ARFGAP1: variants seen among roughly 807,000 people sequenced by gnomAD.
ARFGAP1 encodes the protein ARF GTPase activating protein 1, also known as ADP-ribosylation factor GTPase-activating protein 1.
In ARFGAP1, 26 loss-of-function variants were observed where a neutral mutation model predicts 54.0. The ratio of observed to expected loss-of-function variants is 0.48; its 90% CI spans 0.35 to 0.67. The LOEUF (loss-of-function observed/expected upper bound fraction) is 0.67. ARFGAP1 is among the 30% of genes least tolerant of loss of function. ARFGAP1 has a pLI of 0.00. For synonymous variants in ARFGAP1, 248 were observed against 211.9 expected, an observed-to-expected ratio of 1.17 and a Z score of -1.48; for missense variants, 525 against 535.8, an observed-to-expected ratio of 0.98 and a Z score of 0.20.
In ARFGAP1 at chr20:63,278,936, C is replaced by T. The variant is rs781294413; in HGVS notation, c.568C>T (p.Pro190Ser). The change falls in exon 7 of 13, where the codon CCA (proline) becomes TCA (serine). Residue 190 changes from proline (P) to serine (S), a missense_variant. Coordinates refer to ENST00000370283, the MANE Select transcript of ARFGAP1 (RefSeq NM_018209.4). ...GNRYVGFGNT[P>S]PPQKKEDDFL... ...TCGCTACGTGGGGTTTGGGAACACG[C>T]CACCGCCTCAGAAGAAAGAAGATGA... 6.2e-7 allele frequency: 1 copy of T among 1,614,142 alleles called. No homozygotes were observed. The highest frequency in any genetic ancestry group is 1.3e-5 in the African/African-American group (1 of 75,042).
chr20:63,276,343 A>T lies in ARFGAP1; in HGVS notation c.171-137A>T. 7.3e-7 allele frequency: 1 copy of T among 1,373,636 alleles called. No individual in the cohort carries two copies. Among genetic ancestry groups the T allele is most frequent in the East Asian group, 2.3e-5 (1 of 42,560 alleles). 85.1% of individuals were successfully genotyped at this position (1,373,636 alleles called of 1,614,324 possible). ...GTGTCCACTCTAGTGACGCCATGGC[A>T]CAGAGTTCCAGCTGCTGGCCACTCA... On this transcript the variant is annotated intron_variant, in intron 3 of 12. Transcript: ENST00000370283. The surrounding 1 kb of genome is among the most constrained non-coding windows in gnomAD (Gnocchi z 5.2).
chr20:63,285,733 C>T lies in ARFGAP1; in HGVS notation c.834+20C>T, dbSNP rs199547030. 17 of 1,611,462 alleles carry T rather than the reference C, an allele frequency of 1.1e-5. No individual in the cohort carries two copies. Among genetic ancestry groups the T allele is most frequent in the East Asian group, 6.7e-5 (3 of 44,890 alleles). On this transcript the variant is annotated intron_variant, in intron 11 of 12. Coordinates refer to ENST00000370283, the MANE Select transcript of ARFGAP1 (RefSeq NM_018209.4). ...TCCAAGGTAGGGAGCCTGCCAGATA[C>T]GCGGGCACAGTCGAAGCCAGTCTCC...
At chr20:63,281,479 C>G in intron 8 of ARFGAP1, 132 bp downstream of exon 8, 1 of 1,147,566 alleles carries the variant, frequency 8.7e-7, no homozygotes, top group Non-Finnish European at 1.2e-6. Flanking sequence ...TAACCATGGG[C>G]TGTGCCAACG....
Position 63,276,206 on chromosome 20 carries a change from T to C in ARFGAP1, c.170+6T>C, listed in dbSNP as rs2067233346. On this transcript the variant is annotated splice_donor_region_variant and intron_variant, in intron 3 of 12. Transcript: ENST00000370283. The surrounding 1 kb of genome is among the most constrained non-coding windows in gnomAD (Gnocchi z 5.2). ...GGGCTTGGGGTTCACCTCAGGTCAG[T>C]GTCCTGCCGCTCTGGCTCTGCGGAG... 1 of 1,613,232 alleles carries C rather than the reference T, an allele frequency of 6.2e-7. No individual in the cohort carries two copies. Among genetic ancestry groups the C allele is most frequent in the Non-Finnish European group, 8.5e-7 (1 of 1,179,842 alleles).
chr20:63,284,148 C>T, intron 9 of ARFGAP1: 1 of 1,329,134 alleles, frequency 7.5e-7, no homozygotes, highest in Non-Finnish European at 9.6e-7. Context: ...ACACACAGAC[C>T]CCCAACGCAG....
intron 8 of ARFGAP1, 140 bp downstream of exon 8, chr20:63,281,487 A>C (rs1463509189): frequency 9.4e-7 from 1 of 1,066,036 alleles, no homozygotes; most frequent in Non-Finnish European, 1.4e-6. Context: ...GGCTGTGCCA[A>C]CGCAGTACCA....
chr20:63,286,486 C>T (rs1361693016), intron 12 of ARFGAP1, 44 bp downstream of exon 12: 2 of 1,576,318 alleles, frequency 1.3e-6, no homozygotes, highest in Non-Finnish European at 1.7e-6. Context: ...ACTCCCCTGC[C>T]TTGGCCACTC....
chr20:63,274,644 G>C (rs1858813146), intron 1 of ARFGAP1, among the ~76,000 whole-genome samples: 1 of 152,128 alleles, frequency 6.6e-6, no homozygotes, highest in African/African-American at 2.4e-5. Flanking sequence ...GGGCTGGCAG[G>C]GATCCAGGTC....
intron 8 of ARFGAP1, among the ~76,000 whole-genome samples, chr20:63,281,727 A>G (rs1310512666): frequency 2.6e-5 from 4 of 152,182 alleles, no homozygotes; most frequent in African/African-American, 9.6e-5. Flanking sequence ...TTTGAGAGCG[A>G]TTTCTCTCTT....
rs771055697 is a variant in ARFGAP1 at position 63,278,136 on chromosome 20, A to C, written c.463A>C (p.Ser155Arg). The change falls in exon 6 of 13, where the codon AGT becomes CGT. Residue 155 changes from serine (S) to arginine (R), a missense_variant. This residue lies in a region of ARFGAP1 where 466 missense variants were observed against 453.6 expected (regional missense o/e 1.03). Transcript: ENST00000370283. ...MVHRVSGQPQ[S>R]VTASSDKAFE... is the part of the protein sequence containing the mutation. The stretch of plus-strand genomic sequence containing the variant: ...TTTCAGAGTCTCTGGCCAGCCGCAG[A>C]GTGTGACCGCCTCCTCGGACAAGGC... The C allele has an allele frequency of 5.6e-6, 9 of 1,613,654 alleles. No individual in the cohort carries two copies. The highest frequency in any genetic ancestry group is 4.0e-5 in the African/African-American group (3 of 74,934).
rs2067230459 is a variant in ARFGAP1, at chr20:63,276,127, G to C, written c.97G>C (p.Val33Leu). 6.2e-7 allele frequency: 1 copy of C among 1,614,094 alleles called. No individual in the cohort carries two copies. The highest frequency in any genetic ancestry group is 8.5e-7 in the Non-Finnish European group (1 of 1,180,042). Reference protein sequence around the residue: ...FECGAFNPQWVSVTYGIWICL... With the variant: ...FECGAFNPQWLSVTYGIWICL... ...GTGTGGCGCGTTCAATCCTCAGTGGGTCAGTGTGACCTACGGCATCTGGAT... is the reference window on the plus strand; with the variant it reads ...GTGTGGCGCGTTCAATCCTCAGTGGCTCAGTGTGACCTACGGCATCTGGAT... The change falls in exon 3 of 13, where the codon GTC becomes CTC. Residue 33 changes from valine to leucine, a missense_variant. By Grantham distance (32) the Val-to-Leu change is conservative (BLOSUM62 1). Coordinates refer to ENST00000370283, the MANE Select transcript of ARFGAP1 (RefSeq NM_018209.4). The surrounding 1 kb of genome is among the most constrained non-coding windows in gnomAD (Gnocchi z 5.2).
At chr20:63,274,882 T>TA (rs1392057299) in intron 1 of ARFGAP1, among the ~76,000 whole-genome samples, 4 of 152,210 alleles carry the variant, frequency 2.6e-5, no homozygotes, top group Non-Finnish European at 5.9e-5. Flanking sequence ...CTCTTCACCC[T>TA]AAACCTTGTT....
At chr20:63,281,158 G>A (rs949641047) in intron 7 of ARFGAP1, 133 bp from the exon 8 acceptor site, 40 of 875,812 alleles carry the variant, frequency 4.6e-5, no homozygotes, top group African/African-American at 3.5e-4. Flanking sequence ...AGAAGCAGGC[G>A]CGGTGGGGTC....
rs764168997 is a variant in ARFGAP1 at position 63,276,499 on chromosome 20, A to G, written c.190A>G (p.Met64Val). The part of the protein sequence containing the change: ...VHLSFVRSVT[M>V]DKWKDIELEK... ...TTCCAGCTTTGTGCGCTCTGTTACTATGGACAAGTGGAAGGACATTGAGCT... is the reference window on the plus strand; with the variant it reads ...TTCCAGCTTTGTGCGCTCTGTTACTGTGGACAAGTGGAAGGACATTGAGCT... The change falls in exon 4 of 13, where the codon ATG becomes GTG. Residue 64 changes from methionine (M) to valine (V), a missense_variant. Physicochemically the swap from Met to Val is conservative, Grantham distance 21 (BLOSUM62 1). Transcript: ENST00000370283. This position sits in a 1 kb window ranked among gnomAD's most constrained non-coding sequence, Gnocchi z 5.2. 5.0e-6 allele frequency: 8 copies of G among 1,613,166 alleles called. No individual in the cohort carries two copies. Among genetic ancestry groups the G allele is most frequent in the East Asian group, 2.2e-5 (1 of 44,864 alleles).
chr20:63,275,444 C>A, intron 1 of ARFGAP1, 133 bp from the exon 2 acceptor site: 1 of 812,374 alleles, frequency 1.2e-6, no homozygotes, highest in Non-Finnish European at 2.0e-6. Flanking sequence ...GGTCCTGTGA[C>A]CGGGGCTTCC....
chr20:63,282,943 T>A lies in ARFGAP1; in HGVS notation c.717+92T>A, dbSNP rs560685950. ...GCACCTGAAGCTGCCTGGTTCCCTC[T>A]TCTCAGGCCACATGCTCAGAGCTGA... On this transcript the variant is annotated intron_variant, in intron 9 of 12. Coordinates refer to ENST00000370283, the MANE Select transcript of ARFGAP1 (RefSeq NM_018209.4). 260 of 1,386,954 alleles carry A rather than the reference T, an allele frequency of 1.9e-4. No homozygotes were observed. In the African/African-American group the frequency reaches 3.2e-3, roughly 17 times the overall value. The allele number at this position is 1,386,954 out of a possible 1,614,324, so 85.9% of individuals were successfully genotyped here. A position where few individuals can be genotyped will look rare whatever the true frequency, so the allele number is the denominator to read the frequency against.
At position 63,285,755 on chromosome 20, in the gene ARFGAP1, C is replaced by T. The variant is rs573741766; in HGVS notation, c.834+42C>T. 1.2e-5 allele frequency: 19 copies of T among 1,602,650 alleles called. No homozygotes were observed. In the East Asian group the frequency reaches 4.2e-4, roughly 36 times the overall value. ...ATACGCGGGCACAGTCGAAGCCAGT[C>T]TCCATATTCCACGGCCCTGGGCGTG... On this transcript the variant is annotated intron_variant, in intron 11 of 12. Coordinates refer to ENST00000370283, the MANE Select transcript of ARFGAP1 (RefSeq NM_018209.4).
intron 9 of ARFGAP1, chr20:63,283,625 T>C: frequency 2.1e-6 from 1 of 480,382 alleles, no homozygotes; most frequent in East Asian, 3.4e-5. Context: ...ATCTGGCTTT[T>C]TCGTGGGCCT....
At chr20:63,285,476 G>C (rs1017971597) in intron 10 of ARFGAP1, 178 bp from the exon 11 acceptor site, 6 of 667,370 alleles carry the variant, frequency 9.0e-6, no homozygotes, top group Non-Finnish European at 1.6e-5. Flanking sequence ...CAGTGACATG[G>C]TTTCTTGATG....
Sources: gnomAD v4.1 joint callset for allele counts (sites outside exome capture counted in the v4.1 genomes callset) on GRCh38, gnomAD v4.1.1 for gene constraint, gnomAD v4.1.1 regional missense constraint, Gnocchi (gnomAD v3.1) non-coding constraint, MANE v1.5 for transcripts, NCBI Gene and HGNC (gene_info 2026-07-23, HGNC 2026-07-21) for gene names.